Variants in TPD52L1 observed in about 807,000 individuals in gnomAD.
TPD52L1 encodes tumor protein D53.
Under a neutral mutation model 28.7 loss-of-function variants are expected in TPD52L1, and 18 were observed. The observed-to-expected ratio is 0.63, with a 90% CI of 0.43 to 0.93. The LOEUF (loss-of-function observed/expected upper bound fraction) is 0.93, where lower values mean the gene tolerates loss of function less well. Ranked by LOEUF, TPD52L1 falls within the 40% of genes least tolerant of loss-of-function variation. The pLI, the probability that TPD52L1 is intolerant of heterozygous loss-of-function variation, is 0.00. For synonymous variants in TPD52L1, 75 were observed against 88.8 expected, an observed-to-expected ratio of 0.84 and a Z score of 0.88; for missense variants, 203 against 254.8, an observed-to-expected ratio of 0.80 and a Z score of 1.39.
At chr6:125,198,984 T>C (rs944251342) in intron 1 of TPD52L1, among the ~76,000 whole-genome samples, 6 of 152,236 alleles carry the variant, frequency 3.9e-5, no homozygotes, top group African/African-American at 1.2e-4. Flanking sequence ...GAGATGAGTT[T>C]AGCTGATTTC....
intron 1 of TPD52L1, among the ~76,000 whole-genome samples, chr6:125,164,913 A>T (rs1562193673): frequency 6.6e-6 from 1 of 151,688 alleles, no homozygotes; most frequent in Non-Finnish European, 1.5e-5. Flanking sequence ...TTCTGTTGCG[A>T]AATGTCCCCA....
At chr6:125,248,969 T>A (rs1797088696) in intron 4 of TPD52L1, among the ~76,000 whole-genome samples, 1 of 152,094 alleles carries the variant, frequency 6.6e-6, no homozygotes, top group Non-Finnish European at 1.5e-5. Flanking sequence ...TGCTTTTAGA[T>A]AAGTAACCTT....
At chr6:125,207,408 G>T (rs548339463) in intron 1 of TPD52L1, among the ~76,000 whole-genome samples, 3 of 152,338 alleles carry the variant, frequency 2.0e-5, no homozygotes, top group African/African-American at 7.2e-5. Context: ...TTTGGAAAAT[G>T]AGGAAATGCC....
In TPD52L1 at chr6:125,192,908, T is replaced by C. The variant is rs548339753; in HGVS notation, c.20-27170T>C. Among the ~76,000 whole-genome samples the C allele has an allele frequency of 3.9e-5, 6 of 152,338 alleles. No individual in the cohort carries two copies. In the South Asian group the frequency reaches 8.3e-4, roughly 21 times the overall value. On this transcript the variant is annotated intron_variant, in intron 1 of 6. Transcript: ENST00000534000. ...GAAGCTTTGATTAGCATCCATGTCC[T>C]CCATGGCAAACATTTAATTATAAGG...
chr6:125,185,473 A>G (rs1792538934), intron 1 of TPD52L1, among the ~76,000 whole-genome samples: 1 of 152,200 alleles, frequency 6.6e-6, no homozygotes, highest in Admixed American at 6.5e-5. Context: ...AGAAATAAGT[A>G]TTAAAATATA....
intron 1 of TPD52L1, among the ~76,000 whole-genome samples, chr6:125,178,233 T>C (rs1791938338): frequency 1.3e-5 from 2 of 152,212 alleles, no homozygotes; most frequent in South Asian, 4.1e-4. Context: ...GGCAATACTC[T>C]AGGCTCTAGA....
chr6:125,209,318 C>T (rs773855173), intron 1 of TPD52L1, among the ~76,000 whole-genome samples: 3 of 152,162 alleles, frequency 2.0e-5, no homozygotes, highest in East Asian at 1.9e-4. Flanking sequence ...CAGAGGAAGA[C>T]GAACATAGCT....
chr6:125,206,932 T>A (rs886257202), intron 1 of TPD52L1, among the ~76,000 whole-genome samples: 3 of 152,192 alleles, frequency 2.0e-5, no homozygotes, highest in Admixed American at 6.5e-5. Flanking sequence ...TTTTTCCTCA[T>A]GCAGTCTGGT....
intron 5 of TPD52L1, among the ~76,000 whole-genome samples, chr6:125,256,347 A>G (rs1028321524): frequency 1.3e-4 from 19 of 151,816 alleles, no homozygotes; most frequent in African/African-American, 4.6e-4. Context: ...GAGACTATCA[A>G]AAAAAAGAAA....
chr6:125,200,589 C>A (rs1304481322), intron 1 of TPD52L1, among the ~76,000 whole-genome samples: 3 of 152,154 alleles, frequency 2.0e-5, no homozygotes, highest in Non-Finnish European at 4.4e-5. Context: ...TTTGCAGCAG[C>A]CAACATTAAC....
At chr6:125,217,310 T>A (rs541572344) in intron 1 of TPD52L1, among the ~76,000 whole-genome samples, 2 of 152,290 alleles carry the variant, frequency 1.3e-5, no homozygotes, top group South Asian at 4.1e-4. Flanking sequence ...TTGTAATATA[T>A]AATGAAATAA....
At chr6:125,225,644 G>A (rs1255101690) in intron 2 of TPD52L1, among the ~76,000 whole-genome samples, 1 of 152,150 alleles carries the variant, frequency 6.6e-6, no homozygotes, top group African/African-American at 2.4e-5. Flanking sequence ...AATTTGCAAT[G>A]CAGAAATAAT....
intron 6 of TPD52L1, among the ~76,000 whole-genome samples, chr6:125,257,793 A>C (rs1230137678): frequency 2.6e-5 from 4 of 152,254 alleles, no homozygotes; most frequent in African/African-American, 9.6e-5. Flanking sequence ...AGTTTGAATA[A>C]AAAGAGTAAA....
intron 1 of TPD52L1, among the ~76,000 whole-genome samples, chr6:125,180,110 C>T (rs1470814948): frequency 6.6e-6 from 1 of 152,218 alleles, no homozygotes; most frequent in African/African-American, 2.4e-5. Context: ...CACTGTTCCT[C>T]AGTTCTCACT....
intron 1 of TPD52L1, among the ~76,000 whole-genome samples, chr6:125,192,714 C>T (rs187352113): frequency 1.3e-5 from 2 of 152,282 alleles, no homozygotes; most frequent in Admixed American, 6.5e-5. Context: ...CAAATACCAA[C>T]CAAGCACTTT....
intron 1 of TPD52L1, among the ~76,000 whole-genome samples, chr6:125,212,954 C>G (rs1321263088): frequency 6.6e-6 from 1 of 152,190 alleles, no homozygotes; most frequent in South Asian, 2.1e-4. Flanking sequence ...AGTGCAATTA[C>G]TAGATTATAA....
At chr6:125,259,193 A>G (rs894613200) in intron 6 of TPD52L1, among the ~76,000 whole-genome samples, 1 of 152,222 alleles carries the variant, frequency 6.6e-6, no homozygotes, top group Non-Finnish European at 1.5e-5. Flanking sequence ...TTGCAGGTCT[A>G]TGTGCTGCAT....
chr6:125,252,845 A>C (rs1430951084), intron 4 of TPD52L1: 1 of 152,186 alleles, frequency 6.6e-6, no homozygotes, highest in African/African-American at 2.4e-5. Context: ...TACCCATACT[A>C]ATGCCCTCAG....
chr6:125,263,149 A>G lies in TPD52L1; in HGVS notation c.*187A>G. ...ATTTGTGTTGATGATGGACCACTTG[A>G]CCATCACATTTCAGTATTCATAGAT... On this transcript the variant is annotated 3_prime_UTR_variant, in exon 7 of 7. Transcript: ENST00000534000. The G allele has an allele frequency of 3.1e-6, 2 of 655,066 alleles. No individual in the cohort carries two copies. The highest frequency in any genetic ancestry group is 5.0e-6 in the Non-Finnish European group (2 of 400,114). 40.6% of individuals were successfully genotyped at this position (655,066 alleles called of 1,614,324 possible).
Sources: allele counts gnomAD v4.1 joint callset (sites outside exome capture counted in the v4.1 genomes callset), GRCh38; gene constraint gnomAD v4.1.1; transcripts MANE v1.5; gene names NCBI Gene and HGNC (gene_info 2026-07-23, HGNC 2026-07-21).